TAS2R1: variants seen among roughly 807,000 people sequenced by gnomAD.
The protein encoded by TAS2R1 is taste receptor type 2 member 1.
For synonymous variants in TAS2R1, 141 were observed against 134.2 expected, an observed-to-expected ratio of 1.05 and a Z score of -0.35; for missense variants, 370 against 353.4, an observed-to-expected ratio of 1.05 and a Z score of -0.38.
chr5:9,821,247 G>C, the TAS2R1 span, among the ~76,000 whole-genome samples: 2 of 152,142 alleles, frequency 1.3e-5, no homozygotes, highest in African/African-American at 4.8e-5. Context: ...TCATCTGTAG[G>C]TTCAAGAATG....
the TAS2R1 span, among the ~76,000 whole-genome samples, chr5:9,859,787 GC>G: frequency 6.6e-6 from 1 of 152,202 alleles, no homozygotes; most frequent in South Asian, 2.1e-4. Flanking sequence ...TTGGAAGACA[GC>G]CCCTGAGACC....
At chr5:9,884,894 T>C in the TAS2R1 span, among the ~76,000 whole-genome samples, 24,830 of 152,308 alleles carry the variant, frequency 0.16, 2,310 homozygotes, top group Middle Eastern at 0.22. Flanking sequence ...CATAAACTCC[T>C]GTGATTCAAA....
intron 2 of TAS2R1, among the ~76,000 whole-genome samples, chr5:9,642,404 C>A (rs982446685): frequency 6.6e-6 from 1 of 152,152 alleles, no homozygotes; most frequent in Non-Finnish European, 1.5e-5. Context: ...GCAAACCAAC[C>A]CAGACATCCT....
At chr5:9,823,111 T>C in the TAS2R1 span, among the ~76,000 whole-genome samples, 2 of 151,508 alleles carry the variant, frequency 1.3e-5, no homozygotes, top group African/African-American at 2.4e-5. Context: ...TAAAATGTCA[T>C]GAAGAATAAA....
intron 1 of TAS2R1, among the ~76,000 whole-genome samples, chr5:9,709,188 G>GAA (rs535742726): frequency 7.1e-5 from 6 of 84,786 alleles, no homozygotes; most frequent in Non-Finnish European, 1.4e-4. Flanking sequence ...ACTTAAAGTA[G>GAA]AAAAAAAAAA....
At chr5:9,842,532 A>C in the TAS2R1 span, among the ~76,000 whole-genome samples, 1 of 152,008 alleles carries the variant, frequency 6.6e-6, no homozygotes, top group Non-Finnish European at 1.5e-5. Context: ...CATGTTGTCC[A>C]GGCTGGTCTC....
At chr5:9,761,371 GC>G in the TAS2R1 span, among the ~76,000 whole-genome samples, 4 of 150,102 alleles carry the variant, frequency 2.7e-5, 1 homozygote, top group African/African-American at 9.8e-5. Flanking sequence ...AGGTCAAATA[GC>G]CTAACTAGAG....
the TAS2R1 span, among the ~76,000 whole-genome samples, chr5:9,729,392 C>T: frequency 6.6e-6 from 1 of 152,244 alleles, no homozygotes; most frequent in South Asian, 2.1e-4. Flanking sequence ...CCCCATTAGT[C>T]AGTAGCACTG....
At chr5:9,637,574 T>G (rs2126478682) in intron 2 of TAS2R1, among the ~76,000 whole-genome samples, 1 of 152,284 alleles carries the variant, frequency 6.6e-6, no homozygotes, top group South Asian at 2.1e-4. Flanking sequence ...TATTCTTAGG[T>G]TTGGCCTTTT....
the TAS2R1 span, among the ~76,000 whole-genome samples, chr5:9,865,887 G>T: frequency 6.6e-6 from 1 of 152,088 alleles, no homozygotes; most frequent in Non-Finnish European, 1.5e-5. Context: ...GGTTTTCTTT[G>T]TATTTATCCT....
At chr5:9,799,538 A>C in the TAS2R1 span, among the ~76,000 whole-genome samples, 1 of 152,178 alleles carries the variant, frequency 6.6e-6, no homozygotes, top group Non-Finnish European at 1.5e-5. Context: ...CAGTCCAGAA[A>C]TATTGAATTA....
chr5:9,680,233 C>T (rs546195234), intron 1 of TAS2R1, among the ~76,000 whole-genome samples: 1 of 151,926 alleles, frequency 6.6e-6, no homozygotes, highest in East Asian at 1.9e-4. Flanking sequence ...TTCATGAGGC[C>T]GAAGAGGTGT....
the TAS2R1 span, among the ~76,000 whole-genome samples, chr5:9,766,436 G>A: frequency 6.6e-6 from 1 of 152,218 alleles, no homozygotes; most frequent in Admixed American, 6.5e-5. Context: ...AATGCTGGAA[G>A]AAGGTAGCAG....
the TAS2R1 span, among the ~76,000 whole-genome samples, chr5:9,745,018 C>T: frequency 6.6e-6 from 1 of 152,090 alleles, no homozygotes; most frequent in African/African-American, 2.4e-5. Context: ...AAGCAGTTGA[C>T]ACAATGACAT....
chr5:9,853,505 T>G, the TAS2R1 span, among the ~76,000 whole-genome samples: 1 of 152,152 alleles, frequency 6.6e-6, no homozygotes, highest in Non-Finnish European at 1.5e-5. Context: ...AACTTCCAGG[T>G]GTTGCCGTGG....
the TAS2R1 span, among the ~76,000 whole-genome samples, chr5:9,819,168 C>A: frequency 6.6e-6 from 1 of 152,148 alleles, no homozygotes; most frequent in Non-Finnish European, 1.5e-5. Flanking sequence ...CATTATACAA[C>A]CTCAGATGAG....
upstream of TAS2R1, among the ~76,000 whole-genome samples, chr5:9,632,505 G>C (rs1459680280): frequency 6.6e-6 from 1 of 152,332 alleles, no homozygotes; most frequent in East Asian, 1.9e-4. Flanking sequence ...ATGTGATGCT[G>C]TCTGACAGCA....
At chr5:9,789,172 G>C in the TAS2R1 span, among the ~76,000 whole-genome samples, 1 of 152,078 alleles carries the variant, frequency 6.6e-6, no homozygotes, top group Non-Finnish European at 1.5e-5. Context: ...ATCAACCCAG[G>C]AGCCTGGGAA....
the TAS2R1 span, among the ~76,000 whole-genome samples, chr5:9,842,617 C>T: frequency 6.6e-6 from 1 of 152,100 alleles, no homozygotes; most frequent in South Asian, 2.1e-4. Context: ...GCCACTGTGC[C>T]CAGCACAGTC....
Sources: allele counts gnomAD v4.1 joint callset (sites outside exome capture counted in the v4.1 genomes callset), GRCh38; gene constraint gnomAD v4.1.1; transcripts MANE v1.5; gene names NCBI Gene and HGNC (gene_info 2026-07-23, HGNC 2026-07-21).